SWAP70: variants seen among roughly 807,000 people sequenced by gnomAD.
SWAP70 encodes switch-associated protein 70.
A neutral mutation model predicts 80.2 loss-of-function variants in SWAP70; 34 were observed. The observed-to-expected ratio is 0.42, with a 90% CI of 0.32 to 0.56. The LOEUF (loss-of-function observed/expected upper bound fraction) is 0.56, where lower values mean the gene tolerates loss of function less well. SWAP70 is among the 20% of genes least tolerant of loss of function. The probability of loss-of-function intolerance (pLI) is 0.09; values close to 1 mark genes in which losing one functional copy is unlikely to be tolerated. For missense variants in SWAP70, 578 were observed against 690.7 expected (o/e 0.84, Z 1.83); for synonymous variants, 239 against 238.5 (o/e 1.00, Z -0.02).
At chr11:9,694,022 T>C (rs1160198215) in intron 1 of SWAP70, 124 bp from the exon 2 acceptor site, 1 of 1,245,406 alleles carries the variant, frequency 8.0e-7, no homozygotes, top group Non-Finnish European at 1.1e-6. Context: ...GTCCTCACCC[T>C]GTTTTTGCTA....
chr11:9,667,916 T>C (rs1160320054), intron 1 of SWAP70, among the ~76,000 whole-genome samples: 1 of 151,892 alleles, frequency 6.6e-6, no homozygotes, highest in Non-Finnish European at 1.5e-5. Context: ...TGAGACGGAG[T>C]GTCGCTTTAT....
chr11:9,683,616 G>T (rs934557088), intron 1 of SWAP70, among the ~76,000 whole-genome samples: 1 of 152,122 alleles, frequency 6.6e-6, no homozygotes, highest in Non-Finnish European at 1.5e-5. Flanking sequence ...TGTTACCTGT[G>T]GGGTGGGAGA....
At chr11:9,729,314 T>G in intron 5 of SWAP70, 29 bp from the exon 6 acceptor site, 4 of 1,390,270 alleles carry the variant, frequency 2.9e-6, no homozygotes, top group Non-Finnish European at 4.0e-6. Flanking sequence ...CTTAAAATTT[T>G]GAGGAACTAA....
chr11:9,698,650 C>T (rs1439506813), intron 2 of SWAP70, among the ~76,000 whole-genome samples: 1 of 152,190 alleles, frequency 6.6e-6, no homozygotes, highest in African/African-American at 2.4e-5. Flanking sequence ...GGTGATCTGC[C>T]TGCCTCAGCA....
At position 9,673,129 on chromosome 11, in the gene SWAP70, C is replaced by T. The variant is rs575671589; in HGVS notation, c.99+8851C>T. 2.6e-5 allele frequency among the ~76,000 whole-genome samples: 4 copies of T among 152,298 alleles called. No homozygotes were observed. In the East Asian group the frequency reaches 7.7e-4, roughly 29 times the overall value. On this transcript the variant is annotated intron_variant, in intron 1 of 11. Coordinates refer to ENST00000318950, the MANE Select transcript of SWAP70 (RefSeq NM_015055.4). ...TGTCAGATCCCACAGAGTGTCAGAT[C>T]GCACAGTTTGAGGGCTCAGTCCCAC...
intron 4 of SWAP70, among the ~76,000 whole-genome samples, chr11:9,725,563 ATATATATTTTT>A (rs1219581596): frequency 5.3e-4 from 9 of 16,830 alleles, no homozygotes; most frequent in Middle Eastern, 0.031. Context: ...ATATATATAT[ATATATATTTTT>A]TTTTTTTTTT....
At chr11:9,748,254 T>G (rs1340783202) in intron 10 of SWAP70, among the ~76,000 whole-genome samples, 198 bp downstream of exon 10, 1 of 152,190 alleles carries the variant, frequency 6.6e-6, no homozygotes, top group Non-Finnish European at 1.5e-5. Context: ...CACAGTAATT[T>G]GAACAGGGAA....
rs144448606 is a variant in SWAP70 at position 9,703,324 on chromosome 11, A to G, written c.240+9038A>G. 467 of 455,786 alleles carry G rather than the reference A, an allele frequency of 1.0e-3. 5 individuals carry two copies. Among genetic ancestry groups the G allele is most frequent in the African/African-American group, 8.6e-3 (433 of 50,174 alleles). The allele number at this position is 455,786 out of a possible 1,614,324, so 28.2% of individuals were successfully genotyped here. ...TATACCATGTTTTATTTACATATTC[A>G]GTTCATCAGTTGTTGGACATGTGGG... On this transcript the variant is annotated intron_variant, in intron 2 of 11. Transcript: ENST00000318950.
chr11:9,678,911 A>T (rs1850534396), intron 1 of SWAP70, among the ~76,000 whole-genome samples: 1 of 152,044 alleles, frequency 6.6e-6, no homozygotes, highest in African/African-American at 2.4e-5. Flanking sequence ...TCCTTGCCTC[A>T]GCTTCCTTTT....
chr11:9,748,219 A>T (rs1426608615), intron 10 of SWAP70, among the ~76,000 whole-genome samples, 163 bp downstream of exon 10: 1 of 152,240 alleles, frequency 6.6e-6, no homozygotes, highest in East Asian at 1.9e-4. Context: ...AAGATATATT[A>T]TACATCCATC....
intron 1 of SWAP70, among the ~76,000 whole-genome samples, chr11:9,664,990 T>C (rs956689686): frequency 6.6e-6 from 1 of 152,142 alleles, no homozygotes; most frequent in Non-Finnish European, 1.5e-5. Flanking sequence ...AGAGTCGTTA[T>C]TGTGACTGCC....
At chr11:9,744,464 TTTAG>T (rs1311516520) in intron 9 of SWAP70, among the ~76,000 whole-genome samples, 1 of 152,174 alleles carries the variant, frequency 6.6e-6, no homozygotes, top group Non-Finnish European at 1.5e-5. Flanking sequence ...ACTATACTGT[TTTAG>T]TTAGTTTTAA....
chr11:9,730,314 C>T (rs974657475), intron 6 of SWAP70, among the ~76,000 whole-genome samples: 1 of 140,638 alleles, frequency 7.1e-6, no homozygotes, highest in Admixed American at 7.4e-5. Context: ...CACGGTGAAA[C>T]CCCGTCTCTA....
chr11:9,728,088 C>G lies in SWAP70; in HGVS notation c.678C>G (p.Asn226Lys). 6.2e-7 allele frequency: 1 copy of G among 1,611,498 alleles called. No individual in the cohort carries two copies. Among genetic ancestry groups the G allele is most frequent in the South Asian group, 1.1e-5 (1 of 90,774 alleles). ...YMMKKGHRRK[N>K]WTERWFVLKP... ...TGAAAAAGGGCCACAGACGGAAAAA[C>G]TGGACTGAAAGATGGTTTGTACTAA... Residue 226 changes from asparagine (N) to lysine (K), a missense_variant, in exon 5 of 12, where the codon AAC becomes AAG. Transcript: ENST00000318950.
intron 1 of SWAP70, among the ~76,000 whole-genome samples, chr11:9,671,124 A>C (rs867150821): frequency 2.0e-4 from 27 of 134,818 alleles, no homozygotes; most frequent in African/African-American, 7.5e-4. Context: ...AATATATATA[A>C]ATATATTTAT....
intron 7 of SWAP70, among the ~76,000 whole-genome samples, chr11:9,737,543 T>C (rs1259823970): frequency 6.6e-6 from 1 of 152,150 alleles, no homozygotes; most frequent in Non-Finnish European, 1.5e-5. Flanking sequence ...GTAAAAGTTA[T>C]AATGAATAAT....
chr11:9,670,312 C>A (rs572814715), intron 1 of SWAP70, among the ~76,000 whole-genome samples: 1 of 151,932 alleles, frequency 6.6e-6, no homozygotes, highest in South Asian at 2.1e-4. Flanking sequence ...CTACAGTTGA[C>A]CAGATGTGTA....
At chr11:9,682,685 AT>A (rs201919919) in intron 1 of SWAP70, among the ~76,000 whole-genome samples, 1 of 151,082 alleles carries the variant, frequency 6.6e-6, no homozygotes. Flanking sequence ...TTTTATTTTT[AT>A]TTTTTTTTGA....
rs1371401056 is a variant in SWAP70, at chr11:9,748,895, GC to G, written c.1555-191del. 3.3e-5 allele frequency among the ~76,000 whole-genome samples: 5 copies of G among 152,298 alleles called. No individual in the cohort carries two copies. The East Asian group carries it at 9.6e-4, about 29-fold the overall frequency. ...ACCATTTCCTGCTGTGTGACTCTCG[GC>G]AGGTTACTGACCTTCTCTGAACCCG... On this transcript the variant is annotated intron_variant, in intron 10 of 11. Coordinates refer to ENST00000318950, the MANE Select transcript of SWAP70 (RefSeq NM_015055.4).
Sources: allele counts gnomAD v4.1 joint callset (sites outside exome capture counted in the v4.1 genomes callset), GRCh38; gene constraint gnomAD v4.1.1; transcripts MANE v1.5; gene names NCBI Gene and HGNC (gene_info 2026-07-23, HGNC 2026-07-21).